The following DCAF4 variants were observed in gnomAD, a reference collection of about 807,000 sequenced individuals.
DCAF4 encodes DDB1 and CUL4 associated factor 4.
A neutral mutation model predicts 60.9 loss-of-function variants in DCAF4; 37 were observed. The ratio of observed to expected loss-of-function variants is 0.61; its 90% CI spans 0.47 to 0.80. DCAF4 has a LOEUF of 0.80. DCAF4 is among the 30% of genes least tolerant of loss of function. The pLI is 0.00. For synonymous variants in DCAF4, 243 were observed against 254.8 expected, an observed-to-expected ratio of 0.95 and a Z score of 0.44; for missense variants, 577 against 650.0, an observed-to-expected ratio of 0.89 and a Z score of 1.22.
rs545686208 is a variant in DCAF4, at chr14:72,932,810, C to T, written c.-8-5161C>T. Among the ~76,000 whole-genome samples, 3 of 152,262 alleles carry T rather than the reference C, an allele frequency of 2.0e-5. No homozygotes were observed. In the East Asian group the frequency reaches 5.8e-4, roughly 29 times the overall value. The stretch of plus-strand genomic sequence containing the variant: ...GTCTCAAACTCTGGACTCAAGCCAT[C>T]CTCCCACCTCAGCCTCCCAAGCAGT... On this transcript the variant is annotated intron_variant, in intron 1 of 13. Coordinates refer to ENST00000358377, the MANE Select transcript of DCAF4 (RefSeq NM_015604.4).
Position 72,954,228 on chromosome 14 carries a change from C to A in DCAF4, c.873C>A (p.Ser291=). Residue 291 remains serine (S), a synonymous_variant, in exon 10 of 14, where the codon TCC becomes TCA. Coordinates refer to ENST00000358377, the MANE Select transcript of DCAF4 (RefSeq NM_015604.4). ...CTGGTGCCTGGTCCTGTGCCTGGTCCCTGAATATCCAAGCAAATAACTGCT... is the reference window on the plus strand; with the variant it reads ...CTGGTGCCTGGTCCTGTGCCTGGTCACTGAATATCCAAGCAAATAACTGCT... ...RIPGAWSCAW[S]LNIQANNCFS... 6.2e-7 allele frequency: 1 copy of A among 1,614,166 alleles called. No individual in the cohort carries two copies. Among genetic ancestry groups the A allele is most frequent in the Non-Finnish European group, 8.5e-7 (1 of 1,180,026 alleles).
chr14:72,953,103 C>T (rs1383088948), intron 9 of DCAF4, among the ~76,000 whole-genome samples: 2 of 146,132 alleles, frequency 1.4e-5, no homozygotes, highest in Non-Finnish European at 3.0e-5. Context: ...GGGGCTCAAG[C>T]GATTCTCCTG....
chr14:72,956,335 C>G (rs892723962), intron 12 of DCAF4, 51 bp from the exon 13 acceptor site: 1 of 1,454,836 alleles, frequency 6.9e-7, no homozygotes, highest in Admixed American at 2.2e-5. Context: ...TTGGGGACCA[C>G]CATGGTACCC....
At position 72,946,047 on chromosome 14, in the gene DCAF4, A is replaced by G; in HGVS notation, c.678+20A>G. 6.2e-7 allele frequency: 1 copy of G among 1,612,572 alleles called. No individual in the cohort carries two copies. Among genetic ancestry groups the G allele is most frequent in the Non-Finnish European group, 8.5e-7 (1 of 1,179,810 alleles). On this transcript the variant is annotated intron_variant, in intron 7 of 13. Coordinates refer to ENST00000358377, the MANE Select transcript of DCAF4 (RefSeq NM_015604.4). ...CGGAAGGTACGTTGCCCATCCCTGT[A>G]GCCTCTCTGCACACTTGACCCTGGG...
At position 72,926,514 on chromosome 14, in the gene DCAF4, A is replaced by T. The variant is rs1227526528; in HGVS notation, c.-38A>T. Reference sequence around the variant, plus strand: ...TCCAACTCCTGCAGAGCTGAGCCGGAGGGGAATCCGGAAGGGACACGCTGA... The same window carrying T: ...TCCAACTCCTGCAGAGCTGAGCCGGTGGGGAATCCGGAAGGGACACGCTGA... On this transcript the variant is annotated 5_prime_UTR_variant, in exon 1 of 14. Coordinates refer to ENST00000358377, the MANE Select transcript of DCAF4 (RefSeq NM_015604.4). The T allele has an allele frequency of 6.6e-6, 1 of 152,308 alleles. No individual in the cohort carries two copies. The highest frequency in any genetic ancestry group is 1.5e-5 in the Non-Finnish European group (1 of 68,142). The allele number at this position is 152,308 out of a possible 1,614,324, so 9.4% of individuals were successfully genotyped here.
At chr14:72,953,778 TTA>T (rs1221811061) in intron 9 of DCAF4, among the ~76,000 whole-genome samples, 540 of 32,332 alleles carry the variant, frequency 0.017, 13 homozygotes, top group Non-Finnish European at 0.029. Context: ...ATTTATTTAT[TTA>T]TTTGTGTGTG....
chr14:72,958,548 C>G, intron 13 of DCAF4, 64 bp from the exon 14 acceptor site: 1 of 1,588,342 alleles, frequency 6.3e-7, no homozygotes. Context: ...GCCATGTCCA[C>G]ATGTAGGTAA....
chr14:72,958,571 A>C (rs181492538), intron 13 of DCAF4, 41 bp from the exon 14 acceptor site: 1 of 1,611,908 alleles, frequency 6.2e-7, no homozygotes, highest in African/African-American at 1.3e-5. Context: ...TTTCCTTTGC[A>C]TTCTCTCACT....
intron 7 of DCAF4, among the ~76,000 whole-genome samples, chr14:72,946,405 A>C (rs1295221203): frequency 6.6e-6 from 1 of 152,056 alleles, no homozygotes; most frequent in Non-Finnish European, 1.5e-5. Context: ...ACCCTGTCTC[A>C]AAAAAATGGA....
In DCAF4 at chr14:72,959,542, G is replaced by T. The variant is rs752208876; in HGVS notation, c.*737G>T. On this transcript the variant is annotated 3_prime_UTR_variant, in exon 14 of 14. Transcript: ENST00000358377. ...CAGATTCAAGGGCCCGGCGTCAAAG[G>T]AAATTGGTTTTGACTTTTTGTAATC... The T allele has an allele frequency of 8.1e-6, 8 of 985,406 alleles. No homozygotes were observed. Among genetic ancestry groups the T allele is most frequent in the Non-Finnish European group, 9.6e-6 (8 of 829,944 alleles). 61.0% of individuals were successfully genotyped at this position (985,406 alleles called of 1,614,324 possible). A position where few individuals can be genotyped will look rare whatever the true frequency, so the allele number is the denominator to read the frequency against.
chr14:72,929,689 T>A (rs985137747), intron 1 of DCAF4: 19 of 1,312,670 alleles, frequency 1.4e-5, no homozygotes, highest in Non-Finnish European at 2.0e-5. Flanking sequence ...TTGGCACGGA[T>A]GTGCGTCCCC....
chr14:72,948,641 T>C (rs142240601), intron 8 of DCAF4, among the ~76,000 whole-genome samples: 2 of 152,278 alleles, frequency 1.3e-5, no homozygotes, highest in South Asian at 2.1e-4. Context: ...AAAAAATCCA[T>C]GTAATTGGAC....
chr14:72,959,371 G>A lies in DCAF4; in HGVS notation c.*566G>A. Reference sequence around the variant, plus strand: ...CTCAGCAGCAGATCTCCGGGATTCTGCTGTTATTATCCAAAGGCGTTGGAA... The same window carrying A: ...CTCAGCAGCAGATCTCCGGGATTCTACTGTTATTATCCAAAGGCGTTGGAA... On this transcript the variant is annotated 3_prime_UTR_variant, in exon 14 of 14. Coordinates refer to ENST00000358377, the MANE Select transcript of DCAF4 (RefSeq NM_015604.4). The A allele has an allele frequency of 1.0e-6, 1 of 985,520 alleles. No individual in the cohort carries two copies. The highest frequency in any genetic ancestry group is 1.2e-6 in the Non-Finnish European group (1 of 830,012). 61.0% of individuals were successfully genotyped at this position (985,520 alleles called of 1,614,324 possible). A position where few individuals can be genotyped will look rare whatever the true frequency, so the allele number is the denominator to read the frequency against.
Position 72,958,791 on chromosome 14 carries a change from T to C in DCAF4, c.1474T>C (p.Tyr492His). 2 of 1,572,840 alleles carry C rather than the reference T, an allele frequency of 1.3e-6. No homozygotes were observed. Among genetic ancestry groups the C allele is most frequent in the South Asian group, 2.4e-5 (2 of 83,254 alleles). ...GGCTGTCGGGCAGGACCTTTACTGT[T>C]ACTCCTACAGCTAATTCTGCAGGGC... ...LMAVGQDLYC[Y>H]SYS Residue 492 changes from tyrosine (Y) to histidine (H), a missense_variant, in exon 14 of 14, where the codon TAC becomes CAC. Physicochemically the swap from Tyr to His is moderately conservative, Grantham distance 83. Transcript: ENST00000358377.
chr14:72,948,907 A>G (rs902701457), intron 8 of DCAF4, among the ~76,000 whole-genome samples: 4 of 152,348 alleles, frequency 2.6e-5, no homozygotes, highest in Middle Eastern at 6.8e-3. Flanking sequence ...CAAAGGATTA[A>G]ATCTTAGCCT....
chr14:72,951,886 T>C lies in DCAF4; in HGVS notation c.808+9T>C. 1 of 1,613,992 alleles carries C rather than the reference T, an allele frequency of 6.2e-7. No homozygotes were observed. The highest frequency in any genetic ancestry group is 8.5e-7 in the Non-Finnish European group (1 of 1,179,958). On this transcript the variant is annotated intron_variant, in intron 9 of 13. Coordinates refer to ENST00000358377, the MANE Select transcript of DCAF4 (RefSeq NM_015604.4). ...CGTCAATAGTCACCCAGGTACAGGG[T>C]TCTCCTCCTTTAAAGAAATCTGTCC...
rs1555527852 is a variant in DCAF4, at chr14:72,953,732, A to AAAAATATATATATATAT, written c.809-431_809-430insAAATATATATATATATA. ...CTTAAAAAAAAAAAAAAAAAAAAAAAATATATATATATATATATATATATA... is the reference window on the plus strand; with the variant it reads ...CTTAAAAAAAAAAAAAAAAAAAAAAAAAAATATATATATATATATATATATATATATATATATATATA... On this transcript the variant is annotated intron_variant, in intron 9 of 13. Transcript: ENST00000358377. 2.8e-4 allele frequency among the ~76,000 whole-genome samples: 6 copies of AAAAATATATATATATAT among 21,766 alleles called. 1 individual carries two copies. The highest frequency in any genetic ancestry group is 8.0e-4 in the Admixed American group (1 of 1,254). 14.3% of individuals were successfully genotyped at this position (21,766 alleles called of 152,430 possible). A position where few individuals can be genotyped will look rare whatever the true frequency, so the allele number is the denominator to read the frequency against.
At chr14:72,929,603 G>A in intron 1 of DCAF4, 1 of 1,026,120 alleles carries the variant, frequency 9.7e-7, no homozygotes, top group Non-Finnish European at 1.5e-6. Flanking sequence ...AGAGGGCAGG[G>A]GAGGGGGCTC....
rs775704486 is a variant in DCAF4 at position 72,951,793 on chromosome 14, T to G, written c.729-5T>G. The stretch of plus-strand genomic sequence containing the variant: ...TGCCTAACTGTCCTTAACAGCTTTT[T>G]CCAGGCTATGCCTCATGGGACTCGC... On this transcript the variant is annotated splice_region_variant and splice_polypyrimidine_tract_variant and intron_variant, in intron 8 of 13. Coordinates refer to ENST00000358377, the MANE Select transcript of DCAF4 (RefSeq NM_015604.4). The G allele has an allele frequency of 6.2e-7, 1 of 1,614,018 alleles. No homozygotes were observed. Among genetic ancestry groups the G allele is most frequent in the East Asian group, 2.2e-5 (1 of 44,886 alleles).
Sources: gnomAD v4.1 joint callset for allele counts (sites outside exome capture counted in the v4.1 genomes callset) on GRCh38, gnomAD v4.1.1 for gene constraint, MANE v1.5 for transcripts, NCBI Gene and HGNC (gene_info 2026-07-23, HGNC 2026-07-21) for gene names.